NTM: variants seen among roughly 807,000 people sequenced by gnomAD.
The protein encoded by NTM is IgLON family member 2.
Under a neutral mutation model 42.1 loss-of-function variants are expected in NTM, and 13 were observed. The ratio of observed to expected loss-of-function variants is 0.31; its 90% CI spans 0.20 to 0.49. The LOEUF is 0.49. Ranked by LOEUF, NTM falls within the 20% of genes least tolerant of loss-of-function variation. The pLI, the probability that NTM is intolerant of heterozygous loss-of-function variation, is 0.99. For synonymous variants in NTM, 187 were observed against 179.2 expected (o/e 1.04, Z -0.35); for missense variants, 373 against 452.8 (o/e 0.82, Z 1.60).
At chr11:131,603,061 G>T (rs111688395) in intron 1 of NTM, among the ~76,000 whole-genome samples, 5 of 152,022 alleles carry the variant, frequency 3.3e-5, no homozygotes, top group African/African-American at 4.8e-5. Flanking sequence ...ATTCCATACA[G>T]CAGCAATTGT....
chr11:131,794,119 G>A (rs1055190391), intron 1 of NTM, among the ~76,000 whole-genome samples: 3 of 152,194 alleles, frequency 2.0e-5, no homozygotes, highest in African/African-American at 7.2e-5. Context: ...TGTCAGAAGG[G>A]AATGAAGGGG....
intron 1 of NTM, among the ~76,000 whole-genome samples, chr11:131,889,528 G>GC (rs1305899304): frequency 2.0e-5 from 3 of 152,054 alleles, no homozygotes; most frequent in Non-Finnish European, 4.4e-5. Flanking sequence ...CAGTGTGTGG[G>GC]CCTTTAAAAA....
intron 1 of NTM, among the ~76,000 whole-genome samples, chr11:131,456,514 A>G (rs1950907761): frequency 6.6e-6 from 1 of 152,182 alleles, no homozygotes; most frequent in Admixed American, 6.5e-5. Context: ...CAAAACAGAC[A>G]GGCCCAGAAA....
At chr11:132,222,761 C>T (rs149824942) in intron 4 of NTM, among the ~76,000 whole-genome samples, 7 of 152,270 alleles carry the variant, frequency 4.6e-5, no homozygotes, top group African/African-American at 1.7e-4. Context: ...GCCCTCACCC[C>T]CCACGCACCC....
At chr11:132,277,783 T>C (rs2093787340) in intron 4 of NTM, among the ~76,000 whole-genome samples, 1 of 152,130 alleles carries the variant, frequency 6.6e-6, no homozygotes, top group South Asian at 2.1e-4. Context: ...GTTACAATAT[T>C]GGTAATTGTA....
At chr11:131,423,393 C>A (rs1363092973) in intron 1 of NTM, among the ~76,000 whole-genome samples, 1 of 152,112 alleles carries the variant, frequency 6.6e-6, no homozygotes, top group Non-Finnish European at 1.5e-5. Flanking sequence ...GAGGAGAATC[C>A]ATTCATAGTA....
At chr11:131,923,534 TTGTC>T (rs1226768783) in intron 2 of NTM, among the ~76,000 whole-genome samples, 2 of 152,152 alleles carry the variant, frequency 1.3e-5, no homozygotes, top group African/African-American at 4.8e-5. Context: ...GAGGAGGAAA[TTGTC>T]AGGCAATGTG....
intron 1 of NTM, among the ~76,000 whole-genome samples, chr11:131,724,424 A>G (rs1009993213): frequency 6.6e-6 from 1 of 152,110 alleles, no homozygotes; most frequent in African/African-American, 2.4e-5. Flanking sequence ...GTCTGGCCCT[A>G]CTCTCAGGGG....
intron 2 of NTM, among the ~76,000 whole-genome samples, chr11:132,081,698 T>C (rs931937803): frequency 6.7e-5 from 10 of 148,790 alleles, no homozygotes; most frequent in Middle Eastern, 3.4e-3. Flanking sequence ...CACTCCAGCC[T>C]GGGCGATAGA....
At chr11:131,802,245 C>G (rs532577958) in intron 1 of NTM, among the ~76,000 whole-genome samples, 1 of 152,268 alleles carries the variant, frequency 6.6e-6, no homozygotes, top group South Asian at 2.1e-4. Context: ...AGAAAATTCT[C>G]CCATTTAGAA....
intron 1 of NTM, among the ~76,000 whole-genome samples, chr11:131,457,164 C>CA (rs1338221844): frequency 6.6e-6 from 1 of 152,106 alleles, no homozygotes; most frequent in Non-Finnish European, 1.5e-5. Context: ...ATCCAAGTGA[C>CA]AACAGAAGGC....
chr11:131,656,507 G>A (rs1174787506), intron 1 of NTM, among the ~76,000 whole-genome samples: 1 of 152,220 alleles, frequency 6.6e-6, no homozygotes, highest in Non-Finnish European at 1.5e-5. Context: ...ATAGACTTGG[G>A]ACTTGACATA....
chr11:131,504,288 C>T (rs999131753), intron 1 of NTM, among the ~76,000 whole-genome samples: 5 of 152,204 alleles, frequency 3.3e-5, no homozygotes, highest in African/African-American at 1.2e-4. Flanking sequence ...ATGCAGACCC[C>T]TTGGGCTCAC....
At chr11:131,889,720 T>C (rs1050764012) in intron 1 of NTM, among the ~76,000 whole-genome samples, 4 of 151,506 alleles carry the variant, frequency 2.6e-5, no homozygotes, top group Non-Finnish European at 2.9e-5. Flanking sequence ...AACAACAGAG[T>C]GGGAAGTGCA....
intron 1 of NTM, among the ~76,000 whole-genome samples, chr11:131,636,453 C>T (rs1415298186): frequency 6.6e-6 from 1 of 152,210 alleles, no homozygotes; most frequent in African/African-American, 2.4e-5. Flanking sequence ...GCGTGGCATC[C>T]TGAAAACACC....
chr11:131,796,099 G>A (rs917419095), intron 1 of NTM: 1 of 985,304 alleles, frequency 1.0e-6, no homozygotes, highest in African/African-American at 1.7e-5. Flanking sequence ...ATTTTCCCGG[G>A]GGAAATCTAG....
At chr11:131,753,506 T>C (rs2082852311) in intron 1 of NTM, among the ~76,000 whole-genome samples, 1 of 151,790 alleles carries the variant, frequency 6.6e-6, no homozygotes, top group Non-Finnish European at 1.5e-5. Context: ...TGTCCAACAA[T>C]GATAGACTGG....
rs556270902 is a variant in NTM at position 131,823,277 on chromosome 11, C to G, written c.83-88287C>G. Among the ~76,000 whole-genome samples the G allele has an allele frequency of 1.2e-4, 18 of 152,284 alleles. No homozygotes were observed. In the Middle Eastern group the frequency reaches 0.017, roughly 144 times the overall value. On this transcript the variant is annotated intron_variant, in intron 1 of 8. Transcript: ENST00000683400. ...AACTGCCCCTTAGGCAGAGCAGAAGCCACACATGTCCTCAGCCTTCAGCCT... is the reference window on the plus strand; with the variant it reads ...AACTGCCCCTTAGGCAGAGCAGAAGGCACACATGTCCTCAGCCTTCAGCCT...
intron 1 of NTM, among the ~76,000 whole-genome samples, chr11:131,574,589 T>G (rs1435813908): frequency 7.3e-6 from 1 of 137,660 alleles, no homozygotes; most frequent in Non-Finnish European, 1.5e-5. Context: ...TGTGTGTGTC[T>G]ACACATGCAC....
Sources: gnomAD v4.1 joint callset for allele counts (sites outside exome capture counted in the v4.1 genomes callset) on GRCh38, gnomAD v4.1.1 for gene constraint, MANE v1.5 for transcripts, NCBI Gene and HGNC (gene_info 2026-07-23, HGNC 2026-07-21) for gene names.